The following MMACHC variants were observed in gnomAD, a reference collection of about 807,000 sequenced individuals.
MMACHC encodes cyanocobalamin reductase / alkylcobalamin dealkylase.
In MMACHC, 14 loss-of-function variants were observed where a neutral mutation model predicts 17.6. That is an observed-to-expected ratio of 0.80 (90% CI 0.53 to 1.25). MMACHC has a LOEUF of 1.25. Among genes scored for constraint, MMACHC ranks in the 50% most tolerant of loss-of-function variants. The pLI, the probability that MMACHC is intolerant of heterozygous loss-of-function variation, is 0.00. For missense variants in MMACHC, 392 were observed against 364.5 expected (o/e 1.08, Z -0.62); for synonymous variants, 151 against 142.1 (o/e 1.06, Z -0.45).
At chr1:45,503,259 G>A (rs1041619800) in intron 1 of MMACHC, among the ~76,000 whole-genome samples, 6 of 151,912 alleles carry the variant, frequency 3.9e-5, no homozygotes, top group Non-Finnish European at 4.4e-5. Context: ...TTAGGTGGGC[G>A]TGGTGGTGTG....
intron 1 of MMACHC, among the ~76,000 whole-genome samples, chr1:45,504,600 C>T (rs1643589304): frequency 6.6e-6 from 1 of 152,024 alleles, no homozygotes; most frequent in African/African-American, 2.4e-5. Flanking sequence ...TGGCTCACAC[C>T]TGTGGTCCCA....
rs1047315420 is a variant in MMACHC, at chr1:45,509,264, A to C, written c.*49A>C. ...TTATGGTGGTACTTGCTAGGACTTA[A>C]TTGGCTTTGGCAAAGCAAAAGGTTT... is the stretch of plus-strand genomic sequence containing the variant. On this transcript the variant is annotated 3_prime_UTR_variant, in exon 4 of 4. Coordinates refer to ENST00000401061, the MANE Select transcript of MMACHC (RefSeq NM_015506.3). 19 of 1,610,070 alleles carry C rather than the reference A, an allele frequency of 1.2e-5. 1 individual carries two copies. Among genetic ancestry groups the C allele is most frequent in the Admixed American group, 1.2e-4 (7 of 59,968 alleles).
chr1:45,504,003 T>A (rs534025659), intron 1 of MMACHC, among the ~76,000 whole-genome samples: 31 of 152,326 alleles, frequency 2.0e-4, no homozygotes, highest in African/African-American at 7.0e-4. Context: ...TACAGGTGAA[T>A]CCAATTTCTT....
intron 1 of MMACHC, 97 bp downstream of exon 1, chr1:45,500,510 C>T (rs755435433): frequency 1.4e-5 from 17 of 1,195,300 alleles, no homozygotes; most frequent in Non-Finnish European, 2.1e-5. Flanking sequence ...TCCTGGGTTC[C>T]TGCAGCCCAG....
chr1:45,509,415 AG>A lies in MMACHC; in HGVS notation c.*201del. 2.4e-5 allele frequency: 6 copies of A among 245,528 alleles called. No individual in the cohort carries two copies. Among genetic ancestry groups the A allele is most frequent in the South Asian group, 2.2e-4 (4 of 18,512 alleles). The allele number at this position is 245,528 out of a possible 1,614,324, so 15.2% of individuals were successfully genotyped here. A position where few individuals can be genotyped will look rare whatever the true frequency, so the allele number is the denominator to read the frequency against. On this transcript the variant is annotated 3_prime_UTR_variant, in exon 4 of 4. Transcript: ENST00000401061. ...CAGAATTCCCATCTGCCTTCAAATGAGTTTTTTTTTTTTTTTTAGACAGAGT... is the reference window on the plus strand; with the variant it reads ...CAGAATTCCCATCTGCCTTCAAATGATTTTTTTTTTTTTTTTAGACAGAGT...
Position 45,511,208 on chromosome 1 carries a change from TA to T in MMACHC, c.*1995del. The T allele has an allele frequency of 1.2e-6, 1 of 862,730 alleles. No homozygotes were observed. The highest frequency in any genetic ancestry group is 1.8e-6 in the Non-Finnish European group (1 of 556,092). The allele number at this position is 862,730 out of a possible 1,614,324, so 53.4% of individuals were successfully genotyped here. ...CCCCCTGTAGGAAAGGCCTGCCTTGTAAGACACCACAATTCGGCTGAATCTG... is the reference window on the plus strand; with the variant it reads ...CCCCCTGTAGGAAAGGCCTGCCTTGTAGACACCACAATTCGGCTGAATCTG... On this transcript the variant is annotated 3_prime_UTR_variant, in exon 4 of 4. Coordinates refer to ENST00000401061, the MANE Select transcript of MMACHC (RefSeq NM_015506.3).
chr1:45,503,480 G>A (rs1367346715), intron 1 of MMACHC, among the ~76,000 whole-genome samples: 2 of 129,246 alleles, frequency 1.5e-5, no homozygotes, highest in African/African-American at 3.0e-5. Context: ...CTGTTGCCCC[G>A]GCTGGAGTGC....
Position 45,511,271 on chromosome 1 carries a change from G to T in MMACHC, c.*2056G>T. The T allele has an allele frequency of 7.4e-7, 1 of 1,360,244 alleles. No homozygotes were observed. Among genetic ancestry groups the T allele is most frequent in the Non-Finnish European group, 1.0e-6 (1 of 991,398 alleles). 84.3% of individuals were successfully genotyped at this position (1,360,244 alleles called of 1,614,324 possible). A position where few individuals can be genotyped will look rare whatever the true frequency, so the allele number is the denominator to read the frequency against. On this transcript the variant is annotated 3_prime_UTR_variant, in exon 4 of 4. Transcript: ENST00000401061. ...TTTACTAATGGAAAAAAAAAATACAGAAGAGGTTTTGTTCTCATGGCTGCC... is the reference window on the plus strand; with the variant it reads ...TTTACTAATGGAAAAAAAAAATACATAAGAGGTTTTGTTCTCATGGCTGCC...
chr1:45,501,070 G>T (rs561550744), intron 1 of MMACHC, among the ~76,000 whole-genome samples: 1 of 152,072 alleles, frequency 6.6e-6, no homozygotes, highest in East Asian at 1.9e-4. Flanking sequence ...AAGCCTAGAA[G>T]GTTTGCATAG....
At position 45,507,347 on chromosome 1, in the gene MMACHC, C is replaced by A; in HGVS notation, c.82-9C>A. 1 of 1,613,970 alleles carries A rather than the reference C, an allele frequency of 6.2e-7. No individual in the cohort carries two copies. Among genetic ancestry groups the A allele is most frequent in the South Asian group, 1.1e-5 (1 of 91,038 alleles). Reference sequence around the variant, plus strand: ...CCCTCTCCAGCCTGGCCTGAACTTTCTGTTTCAGGTGGCATGGTACAATGA... The same window carrying A: ...CCCTCTCCAGCCTGGCCTGAACTTTATGTTTCAGGTGGCATGGTACAATGA... On this transcript the variant is annotated splice_polypyrimidine_tract_variant and intron_variant, in intron 1 of 3. Coordinates refer to ENST00000401061, the MANE Select transcript of MMACHC (RefSeq NM_015506.3).
chr1:45,502,434 C>T (rs988577115), intron 1 of MMACHC, among the ~76,000 whole-genome samples: 38 of 152,102 alleles, frequency 2.5e-4, no homozygotes, highest in African/African-American at 9.2e-4. Flanking sequence ...CTCAGGGTCT[C>T]ACTTTGTTGC....
Position 45,509,377 on chromosome 1 carries a change from A to T in MMACHC, c.*162A>T. 1 of 761,200 alleles carries T rather than the reference A, an allele frequency of 1.3e-6. No homozygotes were observed. The highest frequency in any genetic ancestry group is 2.0e-6 in the Non-Finnish European group (1 of 488,968). 47.2% of individuals were successfully genotyped at this position (761,200 alleles called of 1,614,324 possible). On this transcript the variant is annotated 3_prime_UTR_variant, in exon 4 of 4. Coordinates refer to ENST00000401061, the MANE Select transcript of MMACHC (RefSeq NM_015506.3). ...AAGGAAGTTAGGTTTGGCCAAGATAAAGGCCAGGGAACCAGAATTCCCATC... is the reference window on the plus strand; with the variant it reads ...AAGGAAGTTAGGTTTGGCCAAGATATAGGCCAGGGAACCAGAATTCCCATC...
chr1:45,507,763 A>AT lies in MMACHC; in HGVS notation c.276+214dup, dbSNP rs3215980. Among the ~76,000 whole-genome samples the AT allele has an allele frequency of 0.74, 112,188 of 152,040 alleles. 41,822 individuals are homozygous for AT. Among genetic ancestry groups the AT allele is most frequent in the East Asian group, 0.94 (4,886 of 5,182 alleles). ...TCATCTAGCAGTCCCCCAGTGTGAAATAGTCTCACTCACCCTACACTGATG... is the reference window on the plus strand; with the variant it reads ...TCATCTAGCAGTCCCCCAGTGTGAAATTAGTCTCACTCACCCTACACTGATG... On this transcript the variant is annotated intron_variant, in intron 2 of 3. Coordinates refer to ENST00000401061, the MANE Select transcript of MMACHC (RefSeq NM_015506.3).
chr1:45,511,579 CAAA>C lies in MMACHC; in HGVS notation c.*2365_*2367del. The C allele has an allele frequency of 2.2e-6, 1 of 455,674 alleles. No individual in the cohort carries two copies. The highest frequency in any genetic ancestry group is 3.3e-5 in the East Asian group (1 of 30,038). 28.2% of individuals were successfully genotyped at this position (455,674 alleles called of 1,614,324 possible). On this transcript the variant is annotated 3_prime_UTR_variant, in exon 4 of 4. Coordinates refer to ENST00000401061, the MANE Select transcript of MMACHC (RefSeq NM_015506.3). Reference sequence around the variant, plus strand: ...CTTTTAGTATGAGCTAACCATTTTACAAACATATAATCATCACCACAGCCTTAA... The same window carrying C: ...CTTTTAGTATGAGCTAACCATTTTACCATATAATCATCACCACAGCCTTAA...
Position 45,511,391 on chromosome 1 carries a change from C to T in MMACHC, c.*2176C>T. On this transcript the variant is annotated 3_prime_UTR_variant, in exon 4 of 4. Coordinates refer to ENST00000401061, the MANE Select transcript of MMACHC (RefSeq NM_015506.3). ...ACATCAGGCTTGATGGTATCACTGC[C>T]AGGTTTCCAGCCAGCTGGGCACACT... is the stretch of plus-strand genomic sequence containing the variant. The T allele has an allele frequency of 1.2e-6, 2 of 1,613,074 alleles. No homozygotes were observed. The highest frequency in any genetic ancestry group is 1.7e-6 in the Non-Finnish European group (2 of 1,179,584).
Position 45,512,074 on chromosome 1 carries a change from T to A in MMACHC, c.*2859T>A, listed in dbSNP as rs1028809509. 2 of 119,690 alleles carry A rather than the reference T, an allele frequency of 1.7e-5. No homozygotes were observed. Among genetic ancestry groups the A allele is most frequent in the Non-Finnish European group, 3.2e-5 (2 of 61,578 alleles). 7.4% of individuals were successfully genotyped at this position (119,690 alleles called of 1,614,324 possible). A position where few individuals can be genotyped will look rare whatever the true frequency, so the allele number is the denominator to read the frequency against. ...GGGACTAATCTCTTATTTTTCTTTT[T>A]TTTTTTTTTTTTTTTTTTTTTTGAG... is the stretch of plus-strand genomic sequence containing the variant. On this transcript the variant is annotated 3_prime_UTR_variant, in exon 4 of 4. Transcript: ENST00000401061.
In MMACHC at chr1:45,511,301, G is replaced by A. The variant is rs201519580; in HGVS notation, c.*2086G>A. 1.3e-5 allele frequency: 20 copies of A among 1,549,164 alleles called. No homozygotes were observed. Among genetic ancestry groups the A allele is most frequent in the African/African-American group, 8.3e-5 (6 of 72,216 alleles). ...GGTTTTGTTCTCATGGCTGCCCACC[G>A]CAGCCTGGCACTAAAACAGCCCAGC... On this transcript the variant is annotated 3_prime_UTR_variant, in exon 4 of 4. Coordinates refer to ENST00000401061, the MANE Select transcript of MMACHC (RefSeq NM_015506.3).
chr1:45,506,804 T>C (rs1251024733), intron 1 of MMACHC, among the ~76,000 whole-genome samples: 5 of 151,918 alleles, frequency 3.3e-5, no homozygotes, highest in Non-Finnish European at 7.4e-5. Context: ...TCATTTTCAT[T>C]GGTTCATTTG....
Position 45,510,391 on chromosome 1 carries a change from G to A in MMACHC, c.*1176G>A, listed in dbSNP as rs934626798. ...AGCCTCTCTGAGGACAATGACATAT[G>A]AATGAGGATCAAAACGAGCTTTGGC... On this transcript the variant is annotated 3_prime_UTR_variant, in exon 4 of 4. Coordinates refer to ENST00000401061, the MANE Select transcript of MMACHC (RefSeq NM_015506.3). The A allele has an allele frequency of 6.6e-6, 1 of 152,174 alleles. No homozygotes were observed. Among genetic ancestry groups the A allele is most frequent in the Non-Finnish European group, 1.5e-5 (1 of 68,052 alleles). The allele number at this position is 152,174 out of a possible 1,614,324, so 9.4% of individuals were successfully genotyped here. A position where few individuals can be genotyped will look rare whatever the true frequency, so the allele number is the denominator to read the frequency against.
Sources: allele counts gnomAD v4.1 joint callset (sites outside exome capture counted in the v4.1 genomes callset), GRCh38; gene constraint gnomAD v4.1.1; transcripts MANE v1.5; gene names NCBI Gene and HGNC (gene_info 2026-07-23, HGNC 2026-07-21).